The following PTPRO variants were observed in gnomAD, a reference collection of about 807,000 sequenced individuals.
PTPRO encodes the protein protein tyrosine phosphatase receptor type O.
Under a neutral mutation model 145.2 loss-of-function variants are expected in PTPRO, and 62 were observed. The ratio of observed to expected loss-of-function variants is 0.43; its 90% confidence interval spans 0.35 to 0.53. The LOEUF (loss-of-function observed/expected upper bound fraction) is 0.53. PTPRO is among the 20% of genes least tolerant of loss of function. The pLI is 0.01. For missense variants in PTPRO, 1,345 were observed against 1,482.7 expected, an observed-to-expected ratio of 0.91 and a Z score of 1.53; for synonymous variants, 565 against 514.7, an observed-to-expected ratio of 1.10 and a Z score of -1.32.
intron 1 of PTPRO, among the ~76,000 whole-genome samples, chr12:15,363,553 A>G (rs956073761): frequency 2.0e-5 from 3 of 152,182 alleles, no homozygotes; most frequent in Non-Finnish European, 2.9e-5. Context: ...GAGTAAATAC[A>G]GGGTGGGGAA....
intron 24 of PTPRO, among the ~76,000 whole-genome samples, chr12:15,588,881 G>A (rs968561498): frequency 6.6e-6 from 1 of 152,182 alleles, no homozygotes; most frequent in African/African-American, 2.4e-5. Context: ...CCGATAAAGG[G>A]TGTGGCCAAT....
rs756862207 is a variant in PTPRO at position 15,504,035 on chromosome 12, AAGTC to A, written c.1240_1243del (p.Ser414GlnfsTer18). 1.2e-6 allele frequency: 2 copies of A among 1,613,344 alleles called. No individual in the cohort carries two copies. The highest frequency in any genetic ancestry group is 1.7e-6 in the Non-Finnish European group (2 of 1,179,410). On this transcript the variant is annotated frameshift_variant, in exon 6 of 27. Coordinates refer to ENST00000281171, the MANE Select transcript of PTPRO (RefSeq NM_030667.3). LOFTEE classifies it high-confidence loss of function. Reference sequence around the variant, plus strand: ...CCTCAGGATCTTGTGAAACTCGAAAAAGTCAGTCAGCAAAATCACTCAGCTTTTA... The same window carrying A: ...CCTCAGGATCTTGTGAAACTCGAAAAAGTCAGCAAAATCACTCAGCTTTTA...
chr12:15,388,487 A>G (rs181417791), intron 1 of PTPRO, among the ~76,000 whole-genome samples: 3 of 152,334 alleles, frequency 2.0e-5, no homozygotes, highest in South Asian at 2.1e-4. Flanking sequence ...GAGTCCTGCC[A>G]TTACCGAATG....
chr12:15,378,252 A>T (rs948642676), intron 1 of PTPRO, among the ~76,000 whole-genome samples: 1 of 152,014 alleles, frequency 6.6e-6, no homozygotes, highest in Non-Finnish European at 1.5e-5. Context: ...CTGAAGCTAG[A>T]CTGACCAAGA....
At chr12:15,339,334 G>A (rs1475511286) in intron 1 of PTPRO, among the ~76,000 whole-genome samples, 1 of 152,134 alleles carries the variant, frequency 6.6e-6, no homozygotes, top group East Asian at 1.9e-4. Flanking sequence ...AGGAGGATGA[G>A]TAGTTGGAAA....
chr12:15,521,855 A>T (rs1449254375), intron 10 of PTPRO, among the ~76,000 whole-genome samples: 1 of 152,166 alleles, frequency 6.6e-6, no homozygotes, highest in Non-Finnish European at 1.5e-5. Context: ...TGGAAAACTG[A>T]CTAGGATTGG....
chr12:15,521,250 T>A (rs545274050), intron 10 of PTPRO, among the ~76,000 whole-genome samples: 1 of 151,982 alleles, frequency 6.6e-6, no homozygotes, highest in African/African-American at 2.4e-5. Context: ...TGGAAAGAAA[T>A]CAATCATCTG....
intron 4 of PTPRO, 98 bp downstream of exon 4, chr12:15,499,692 A>T (rs1441317436): frequency 7.3e-7 from 1 of 1,360,572 alleles, no homozygotes; most frequent in Non-Finnish European, 1.0e-6. Context: ...GATCCAGAGC[A>T]AAGAAAGAAA....
At chr12:15,439,699 G>A (rs1190542042) in intron 1 of PTPRO, 2 of 474,934 alleles carry the variant, frequency 4.2e-6, no homozygotes, top group East Asian at 1.1e-4. Flanking sequence ...CCGAGGATGA[G>A]TGGATGCCCG....
At chr12:15,546,391 C>G in intron 12 of PTPRO, 178 bp from the exon 13 acceptor site, 1 of 1,432,918 alleles carries the variant, frequency 7.0e-7, no homozygotes, top group South Asian at 1.5e-5. Context: ...AAGTATTCTG[C>G]CTTCCAAGTT....
chr12:15,332,114 C>T lies in PTPRO; in HGVS notation c.75+9313C>T, dbSNP rs375971094. 4.6e-5 allele frequency among the ~76,000 whole-genome samples: 7 copies of T among 152,086 alleles called. No individual in the cohort carries two copies. The South Asian group carries it at 8.3e-4, about 18-fold the overall frequency. On this transcript the variant is annotated intron_variant, in intron 1 of 26. Transcript: ENST00000281171. Reference sequence around the variant, plus strand: ...CCAAGTGGCTGCGATTACAGGCATGCACCAGCCTGCTCAGCTAATTTTTTG... The same window carrying T: ...CCAAGTGGCTGCGATTACAGGCATGTACCAGCCTGCTCAGCTAATTTTTTG...
chr12:15,358,416 T>G (rs1373407999), intron 1 of PTPRO, among the ~76,000 whole-genome samples: 1 of 152,164 alleles, frequency 6.6e-6, no homozygotes, highest in Non-Finnish European at 1.5e-5. Flanking sequence ...TATGCATTCC[T>G]GAGCCTAATT....
At chr12:15,451,263 C>T (rs376098741) in intron 1 of PTPRO, among the ~76,000 whole-genome samples, 2 of 151,900 alleles carry the variant, frequency 1.3e-5, no homozygotes, top group East Asian at 3.9e-4. Flanking sequence ...TGATAAAAGG[C>T]CTTGTTCCAC....
intron 15 of PTPRO, among the ~76,000 whole-genome samples, chr12:15,554,104 G>A (rs1299389738): frequency 6.6e-6 from 1 of 152,184 alleles, no homozygotes; most frequent in Non-Finnish European, 1.5e-5. Context: ...TGAGACAGGA[G>A]GCAGAGGTTG....
chr12:15,324,366 T>G (rs540092627), intron 1 of PTPRO, among the ~76,000 whole-genome samples: 256 of 152,276 alleles, frequency 1.7e-3, no homozygotes, highest in Non-Finnish European at 1.9e-3. Context: ...ATGACTTGGT[T>G]GGGAGTGGGG....
At chr12:15,359,486 G>C (rs542363620) in intron 1 of PTPRO, among the ~76,000 whole-genome samples, 1 of 145,548 alleles carries the variant, frequency 6.9e-6, no homozygotes, top group East Asian at 2.0e-4. Flanking sequence ...GTGCAGTGGC[G>C]TGATCTCCTG....
chr12:15,388,873 GT>G (rs778438699), intron 1 of PTPRO, among the ~76,000 whole-genome samples: 5 of 151,048 alleles, frequency 3.3e-5, no homozygotes, highest in Non-Finnish European at 7.4e-5. Flanking sequence ...GTGATATCTG[GT>G]TTTTTTTAAA....
rs1591700453 is a variant in PTPRO, at chr12:15,322,919, G to A, written c.75+118G>A. 2.0e-6 allele frequency: 2 copies of A among 1,009,262 alleles called. No homozygotes were observed. The highest frequency in any genetic ancestry group is 2.6e-5 in the Admixed American group (1 of 38,810). 62.5% of individuals were successfully genotyped at this position (1,009,262 alleles called of 1,614,324 possible). A position where few individuals can be genotyped will look rare whatever the true frequency, so the allele number is the denominator to read the frequency against. ...GGGCACGATGGCCCAGCCGCGGGAA[G>A]CGCCTGCCGTGCAGCCTGGGCGCAC... On this transcript the variant is annotated intron_variant, in intron 1 of 26. Coordinates refer to ENST00000281171, the MANE Select transcript of PTPRO (RefSeq NM_030667.3). The surrounding 1 kb of genome is among the most constrained non-coding windows in gnomAD (Gnocchi z 6.3).
chr12:15,540,842 T>C (rs770439765), intron 12 of PTPRO, among the ~76,000 whole-genome samples: 8 of 152,214 alleles, frequency 5.3e-5, no homozygotes, highest in Non-Finnish European at 1.0e-4. Flanking sequence ...CCTTGCAGCC[T>C]TCCAGTCTGC....
Sources: allele counts gnomAD v4.1 joint callset (sites outside exome capture counted in the v4.1 genomes callset), GRCh38; gene constraint gnomAD v4.1.1; non-coding constraint Gnocchi (gnomAD v3.1); transcripts MANE v1.5; gene names NCBI Gene and HGNC (gene_info 2026-07-23, HGNC 2026-07-21).